Variants in PDK1 observed in about 807,000 individuals in gnomAD.
The protein encoded by PDK1 is [Pyruvate dehydrogenase (acetyl-transferring)] kinase isozyme 1, mitochondrial.
PDK1 carries 39 observed loss-of-function variants against 54.2 expected under a neutral mutation model. The ratio of observed to expected loss-of-function variants is 0.72; its 90% CI spans 0.56 to 0.94. PDK1 has a LOEUF of 0.94. Ranked by LOEUF, PDK1 falls within the 40% of genes least tolerant of loss-of-function variation. The pLI is 0.00. For missense variants in PDK1, 552 were observed against 566.0 expected (o/e 0.98, Z 0.25); for synonymous variants, 221 against 207.1 (o/e 1.07, Z -0.58).
rs11538422 is a variant in PDK1, at chr2:172,598,255, C to T, written c.*2286C>T. On this transcript the variant is annotated 3_prime_UTR_variant, in exon 11 of 11. Transcript: ENST00000282077. ...GTTTTTACTTATGAAATATTCTCCTCCCCCAAGAAAATTTAAACTTTTTCT... is the reference window on the plus strand; with the variant it reads ...GTTTTTACTTATGAAATATTCTCCTTCCCCAAGAAAATTTAAACTTTTTCT... 2.0e-5 allele frequency: 3 copies of T among 152,082 alleles called. No homozygotes were observed. Among genetic ancestry groups the T allele is most frequent in the Non-Finnish European group, 4.4e-5 (3 of 68,010 alleles). 9.4% of individuals were successfully genotyped at this position (152,082 alleles called of 1,614,324 possible).
the PDK1 span, among the ~76,000 whole-genome samples, chr2:172,625,816 C>CA: frequency 6.6e-6 from 1 of 151,890 alleles, no homozygotes; most frequent in Non-Finnish European, 1.5e-5. Flanking sequence ...TGGCACATAG[C>CA]AAAAAATATG....
At chr2:172,614,712 C>G in the PDK1 span, among the ~76,000 whole-genome samples, 1 of 152,184 alleles carries the variant, frequency 6.6e-6, no homozygotes. Flanking sequence ...CAATAAAACT[C>G]TTTTTCACCC....
At chr2:172,700,041 A>G in the PDK1 span, among the ~76,000 whole-genome samples, 948 of 152,314 alleles carry the variant, frequency 6.2e-3, 14 homozygotes, top group African/African-American at 0.022. Flanking sequence ...CTTAGTGGAC[A>G]CAGCACATGT....
Position 172,556,333 on chromosome 2 carries a change from G to C in PDK1, c.183G>C (p.Gln61His). 1 of 1,462,588 alleles carries C rather than the reference G, an allele frequency of 6.8e-7. No individual in the cohort carries two copies. Among genetic ancestry groups the C allele is most frequent in the South Asian group, 1.4e-5 (1 of 72,000 alleles). The allele number at this position is 1,462,588 out of a possible 1,614,324, so 90.6% of individuals were successfully genotyped here. A position where few individuals can be genotyped will look rare whatever the true frequency, so the allele number is the denominator to read the frequency against. The change falls in exon 1 of 11, where the codon CAG becomes CAC. Residue 61 changes from glutamine to histidine, a missense_variant. By Grantham distance (24) the Gln-to-His change is conservative. Transcript: ENST00000282077. ...CGCCGTCCCCGCTCTCCATGAAGCA[G>C]TTCCTGGACTTCGGTGAGTGCGGCC... ...RFSPSPLSMK[Q>H]FLDFGSVNAC...
chr2:172,562,126 A>G, intron 2 of PDK1, 94 bp from the exon 3 acceptor site: 1 of 712,746 alleles, frequency 1.4e-6, no homozygotes, highest in Non-Finnish European at 2.4e-6. Flanking sequence ...ATTAAAAATT[A>G]TAAAATGCTA....
chr2:172,661,776 G>C, the PDK1 span, among the ~76,000 whole-genome samples: 1 of 152,088 alleles, frequency 6.6e-6, no homozygotes, highest in Non-Finnish European at 1.5e-5. Context: ...ATAAAGATGG[G>C]AACAATAAAC....
At chr2:172,669,843 T>C in the PDK1 span, among the ~76,000 whole-genome samples, 2 of 152,228 alleles carry the variant, frequency 1.3e-5, no homozygotes, top group Non-Finnish European at 2.9e-5. Context: ...CATTTTAAAA[T>C]TGGAGTCTTT....
At chr2:172,611,657 A>G (rs1691464145), downstream of PDK1, among the ~76,000 whole-genome samples, 1 of 152,248 alleles carries the variant, frequency 6.6e-6, no homozygotes, top group Non-Finnish European at 1.5e-5. Context: ...ACTCCCGCCA[A>G]AATGTTAAAT....
At position 172,602,600 on chromosome 2, in the gene PDK1, G is replaced by A. The variant is rs559916154; in HGVS notation, c.*6631G>A. 16 of 152,284 alleles carry A rather than the reference G, an allele frequency of 1.1e-4. No individual in the cohort carries two copies. The highest frequency in any genetic ancestry group is 1.3e-4 in the Non-Finnish European group (9 of 68,022). The allele number at this position is 152,284 out of a possible 1,614,324, so 9.4% of individuals were successfully genotyped here. A position where few individuals can be genotyped will look rare whatever the true frequency, so the allele number is the denominator to read the frequency against. ...TCCAAGGCGTCACCATTTGCCAGGCGTTGCAAGTATCACCATTTGCAAGGT... is the reference window on the plus strand; with the variant it reads ...TCCAAGGCGTCACCATTTGCCAGGCATTGCAAGTATCACCATTTGCAAGGT... On this transcript the variant is annotated 3_prime_UTR_variant, in exon 11 of 11. Transcript: ENST00000282077.
At chr2:172,618,338 C>G in the PDK1 span, among the ~76,000 whole-genome samples, 2 of 152,118 alleles carry the variant, frequency 1.3e-5, no homozygotes, top group African/African-American at 4.8e-5. Flanking sequence ...ATGCTAAAGA[C>G]AAAAACAAGA....
chr2:172,710,714 A>G, the PDK1 span, among the ~76,000 whole-genome samples: 4 of 152,232 alleles, frequency 2.6e-5, no homozygotes, highest in Non-Finnish European at 5.9e-5. Flanking sequence ...GCCAGAGATC[A>G]GTGAAATTGT....
intron 4 of PDK1, 66 bp downstream of exon 4, chr2:172,564,753 TTAGGAAAGTTCCATTTAGG>T: frequency 2.1e-6 from 3 of 1,398,040 alleles, no homozygotes; most frequent in Non-Finnish European, 2.9e-6. Context: ...TTAAATTTAT[TTAGGAAAGTTCCATTTAGG>T]TAGGAAATTT....
At chr2:172,692,353 G>C in the PDK1 span, among the ~76,000 whole-genome samples, 101 of 152,274 alleles carry the variant, frequency 6.6e-4, no homozygotes, top group Admixed American at 1.4e-3. Context: ...TTATATAATA[G>C]TAGTTTACAA....
At chr2:172,713,391 G>A in the PDK1 span, among the ~76,000 whole-genome samples, 1 of 152,194 alleles carries the variant, frequency 6.6e-6, no homozygotes, top group Non-Finnish European at 1.5e-5. Flanking sequence ...CTGCCCAGGA[G>A]CCTGTCTGCC....
chr2:172,610,692 C>A (rs1448679023), downstream of PDK1, among the ~76,000 whole-genome samples: 1 of 152,138 alleles, frequency 6.6e-6, no homozygotes, highest in Non-Finnish European at 1.5e-5. Context: ...CTCACTGCAA[C>A]CTCTGCCTCC....
chr2:172,580,225 T>C (rs17299956), intron 8 of PDK1, among the ~76,000 whole-genome samples: 20,451 of 141,920 alleles, frequency 0.14, 1,576 homozygotes, highest in African/African-American at 0.2. Flanking sequence ...GTAAAAACAA[T>C]ATGAATGTAT....
At chr2:172,564,149 C>G (rs1277496575) in intron 3 of PDK1, 4 of 453,188 alleles carry the variant, frequency 8.8e-6, no homozygotes, top group Non-Finnish European at 1.3e-5. Context: ...TTTGTCTCCT[C>G]CTATGCAGAA....
At chr2:172,643,869 T>G in the PDK1 span, among the ~76,000 whole-genome samples, 1 of 152,332 alleles carries the variant, frequency 6.6e-6, no homozygotes, top group South Asian at 2.1e-4. Context: ...TTTAATAGCT[T>G]GATTTATAAT....
At chr2:172,648,836 A>C in the PDK1 span, among the ~76,000 whole-genome samples, 1 of 152,224 alleles carries the variant, frequency 6.6e-6, no homozygotes, top group Non-Finnish European at 1.5e-5. Flanking sequence ...GCTGCCAGGA[A>C]GCTCGAACTG....
Sources: allele counts gnomAD v4.1 joint callset (sites outside exome capture counted in the v4.1 genomes callset), GRCh38; gene constraint gnomAD v4.1.1; transcripts MANE v1.5; gene names NCBI Gene and HGNC (gene_info 2026-07-23, HGNC 2026-07-21).